PAX3: variants seen among roughly 807,000 people sequenced by gnomAD.
The protein encoded by PAX3 is paired box 3.
Under a neutral mutation model 51.6 loss-of-function variants are expected in PAX3, and 14 were observed. That is an observed-to-expected ratio of 0.27 (90% CI 0.18 to 0.42). PAX3 has a LOEUF of 0.42. Ranked by LOEUF, PAX3 falls within the 10% of genes least tolerant of loss-of-function variation. The probability of loss-of-function intolerance (pLI) is 1.00; values close to 1 mark genes in which losing one functional copy is unlikely to be tolerated. For synonymous variants in PAX3, 280 were observed against 253.4 expected, an observed-to-expected ratio of 1.11 and a Z score of -1.00; for missense variants, 540 against 642.8, an observed-to-expected ratio of 0.84 and a Z score of 1.73.
chr2:222,221,454 T>G, intron 5 of PAX3, 67 bp from the exon 6 acceptor site: 1 of 1,440,036 alleles, frequency 6.9e-7, no homozygotes. Context: ...AATGAATTTT[T>G]TATGCTAAAA....
chr2:222,296,067 G>T (rs1695278280), intron 2 of PAX3, among the ~76,000 whole-genome samples: 1 of 152,236 alleles, frequency 6.6e-6, no homozygotes, highest in Non-Finnish European at 1.5e-5. Context: ...TGCAACTTGT[G>T]CTTTTCCAAA....
chr2:222,295,745 C>T, intron 2 of PAX3, 88 bp from the exon 3 acceptor site: 1 of 1,456,842 alleles, frequency 6.9e-7, no homozygotes, highest in East Asian at 2.3e-5. Context: ...TGTCGGGATG[C>T]TCCTCGCTGA....
chr2:222,243,255 A>T (rs2106113612), intron 4 of PAX3, among the ~76,000 whole-genome samples: 1 of 152,372 alleles, frequency 6.6e-6, no homozygotes, highest in Admixed American at 6.5e-5. Context: ...AGAATTGAAA[A>T]TGCCAAGACA....
intron 4 of PAX3, among the ~76,000 whole-genome samples, chr2:222,238,584 A>G (rs1262803236): frequency 6.6e-6 from 1 of 152,188 alleles, no homozygotes; most frequent in African/African-American, 2.4e-5. Context: ...ATACAATGTG[A>G]TTTACAGACA....
chr2:222,270,104 G>T (rs1282827264), intron 4 of PAX3, among the ~76,000 whole-genome samples: 2 of 152,116 alleles, frequency 1.3e-5, no homozygotes, highest in Non-Finnish European at 2.9e-5. Context: ...AGCACCAGAG[G>T]TCAACACAAG....
chr2:222,267,813 T>A (rs1276694772), intron 4 of PAX3, among the ~76,000 whole-genome samples: 1 of 152,218 alleles, frequency 6.6e-6, no homozygotes, highest in East Asian at 1.9e-4. Flanking sequence ...ACTGAGTAGC[T>A]GAAGTTGCTA....
intron 4 of PAX3, among the ~76,000 whole-genome samples, chr2:222,276,605 A>C (rs773226421): frequency 1.3e-5 from 2 of 152,220 alleles, no homozygotes; most frequent in African/African-American, 2.4e-5. Flanking sequence ...CACCTCGCCC[A>C]GAGCTTCCAT....
At chr2:222,278,289 C>T (rs1000705117) in intron 4 of PAX3, among the ~76,000 whole-genome samples, 15 of 152,074 alleles carry the variant, frequency 9.9e-5, no homozygotes, top group Non-Finnish European at 2.1e-4. Context: ...AGAAGCCTCC[C>T]CCACCCCCAG....
intron 7 of PAX3, among the ~76,000 whole-genome samples, chr2:222,212,844 T>C (rs1029189458): frequency 3.3e-5 from 5 of 152,238 alleles, no homozygotes. Context: ...ATTCAGGCCA[T>C]TGGCCCCACA....
chr2:222,295,700 G>C (rs1212443842), intron 2 of PAX3, 43 bp from the exon 3 acceptor site: 1 of 1,612,630 alleles, frequency 6.2e-7, no homozygotes, highest in Non-Finnish European at 8.5e-7. Flanking sequence ...CCGGTACCCT[G>C]GGCCAGGTGG....
chr2:222,277,463 T>A lies in PAX3; in HGVS notation c.586+16704A>T, dbSNP rs1053680249. ...CGTGGACCGTTTTTCTAGACGCTCA[T>A]ACTCCCTGTCATTATCTAATATTTA... On this transcript the variant is annotated intron_variant, in intron 4 of 8. Transcript: ENST00000392070. Among the ~76,000 whole-genome samples, 10 of 152,190 alleles carry A rather than the reference T, an allele frequency of 6.6e-5. No individual in the cohort carries two copies. The East Asian group carries it at 1.9e-3, about 29-fold the overall frequency.
chr2:222,261,919 A>G (rs1693876500), intron 4 of PAX3, among the ~76,000 whole-genome samples: 1 of 152,372 alleles, frequency 6.6e-6, no homozygotes, highest in African/African-American at 2.4e-5. Flanking sequence ...TTAAACAAGC[A>G]TGACAGGCAA....
intron 4 of PAX3, among the ~76,000 whole-genome samples, chr2:222,260,299 T>A (rs1693794410): frequency 1.3e-5 from 2 of 151,504 alleles, no homozygotes; most frequent in Non-Finnish European, 1.5e-5. Context: ...GCCTGGGAGG[T>A]CGAGGCTACA....
intron 5 of PAX3, among the ~76,000 whole-genome samples, chr2:222,231,765 C>G (rs144594509): frequency 6.6e-6 from 1 of 152,282 alleles, no homozygotes; most frequent in Non-Finnish European, 1.5e-5. Context: ...AAAATAGTGG[C>G]TGGGACAGAG....
intron 4 of PAX3, among the ~76,000 whole-genome samples, chr2:222,255,135 C>T (rs774265185): frequency 4.6e-5 from 7 of 152,180 alleles, no homozygotes; most frequent in Non-Finnish European, 8.8e-5. Flanking sequence ...AGCATTAATA[C>T]AAACTGAGAT....
At chr2:222,277,231 G>T (rs1263856686) in intron 4 of PAX3, among the ~76,000 whole-genome samples, 1 of 152,184 alleles carries the variant, frequency 6.6e-6, no homozygotes, top group East Asian at 1.9e-4. Flanking sequence ...ATCTGTCATG[G>T]ATCCACTAGC....
rs925077743 is a variant in PAX3 at position 222,200,661 on chromosome 2, A to G, written c.*747T>C. On this transcript the variant is annotated 3_prime_UTR_variant, in exon 9 of 9. Coordinates refer to ENST00000392070, the MANE Select transcript of PAX3 (RefSeq NM_181458.4). ...CAGGTGGGCTACCAAATAAATGTGA[A>G]CTGGAAAAACGTCACACACCTCTCC... 8 of 254,140 alleles carry G rather than the reference A, an allele frequency of 3.1e-5. No homozygotes were observed. Among genetic ancestry groups the G allele is most frequent in the Non-Finnish European group, 5.4e-5 (7 of 129,928 alleles). The allele number at this position is 254,140 out of a possible 1,614,324, so 15.7% of individuals were successfully genotyped here. A position where few individuals can be genotyped will look rare whatever the true frequency, so the allele number is the denominator to read the frequency against.
chr2:222,246,793 T>G (rs2106119141), intron 4 of PAX3, among the ~76,000 whole-genome samples: 1 of 152,362 alleles, frequency 6.6e-6, no homozygotes, highest in East Asian at 1.9e-4. Flanking sequence ...CTTGTTATTT[T>G]AGCAATAGCA....
At chr2:222,280,895 G>A (rs1338816954) in intron 4 of PAX3, among the ~76,000 whole-genome samples, 1 of 152,196 alleles carries the variant, frequency 6.6e-6, no homozygotes, top group Non-Finnish European at 1.5e-5. Flanking sequence ...CTGACATGAT[G>A]CTAAATCCCC....
Sources: gnomAD v4.1 joint callset for allele counts (sites outside exome capture counted in the v4.1 genomes callset) on GRCh38, gnomAD v4.1.1 for gene constraint, MANE v1.5 for transcripts, NCBI Gene and HGNC (gene_info 2026-07-23, HGNC 2026-07-21) for gene names.